CR1: variants seen among roughly 807,000 people sequenced by gnomAD.
CR1 encodes the protein complement receptor type 1.
A neutral mutation model predicts 187.3 loss-of-function variants in CR1; 116 were observed. That is an observed-to-expected ratio of 0.62 (90% CI 0.53 to 0.72). The LOEUF is 0.72. Among genes scored for constraint, CR1 ranks in the 30% least tolerant of loss-of-function variants. CR1 has a pLI of 0.00. For synonymous variants in CR1, 576 were observed against 747.1 expected (o/e 0.77, Z 3.73); for missense variants, 1,731 against 2,110.7 (o/e 0.82, Z 3.52).
chr1:207,630,582 T>C lies in CR1; in HGVS notation c.7418T>C (p.Val2473Ala). The change falls in exon 46 of 47, where the codon GTT becomes GCT. Residue 2473 changes from valine to alanine, a missense_variant. By Grantham distance (64) the Val-to-Ala change is moderately conservative. Around this residue, in one of 5 missense-constraint regions of CR1, gnomAD observed 1,312 missense variants for 1,379.6 expected, o/e 0.95. Coordinates refer to ENST00000367049, the MANE Select transcript of CR1 (RefSeq NM_000651.6). The stretch of plus-strand genomic sequence containing the variant: ...TTACATTCTCAAGGAGGCAGCAGCG[T>C]TCATCCCCGAACTCTGCAAACAAAT... ...IHLHSQGGSS[V>A]HPRTLQTNEE... 6.2e-7 allele frequency: 1 copy of C among 1,611,300 alleles called. No homozygotes were observed. The highest frequency in any genetic ancestry group is 8.5e-7 in the Non-Finnish European group (1 of 1,178,860).
intron 1 of CR1, among the ~76,000 whole-genome samples, chr1:207,497,066 A>G (rs1042377862): frequency 3.3e-5 from 5 of 152,190 alleles, no homozygotes; most frequent in Non-Finnish European, 5.9e-5. Context: ...CACCACGGCC[A>G]TCATCACCAT....
chr1:207,596,053 CTATATA>C (rs1373012475), intron 35 of CR1, among the ~76,000 whole-genome samples: 11 of 132,970 alleles, frequency 8.3e-5, no homozygotes, highest in Admixed American at 7.3e-4. Flanking sequence ...ATATCTATAT[CTATATA>C]TATCTATATC....
intron 46 of CR1, among the ~76,000 whole-genome samples, chr1:207,638,860 G>T (rs1200218266): frequency 2.0e-5 from 3 of 152,162 alleles, no homozygotes; most frequent in Admixed American, 2.0e-4. Context: ...GAGATTTTTT[G>T]TGGGGGCTCC....
chr1:207,631,376 G>A (rs760662358), intron 46 of CR1, among the ~76,000 whole-genome samples: 10 of 152,154 alleles, frequency 6.6e-5, no homozygotes, highest in African/African-American at 1.7e-4. Context: ...ACACCCAATC[G>A]TTTGTCTACT....
Position 207,567,889 on chromosome 1 carries a change from T to G in CR1, c.4018T>G (p.Phe1340Val). 1.2e-6 allele frequency: 2 copies of G among 1,610,994 alleles called. No individual in the cohort carries two copies. The highest frequency in any genetic ancestry group is 1.7e-6 in the Non-Finnish European group (2 of 1,179,644). The stretch of plus-strand genomic sequence containing the variant: ...ACACACAGGAAAACCTCTGGAAGTC[T>G]TTCCCTTTGGAAAAGCAGTAAATTA... ...GRHTGKPLEV[F>V]PFGKAVNYTC... The change falls in exon 25 of 47, where the codon TTT (phenylalanine) becomes GTT (valine). Residue 1340 changes from phenylalanine to valine, a missense_variant. Around this residue, in one of 5 missense-constraint regions of CR1, gnomAD observed 1,312 missense variants for 1,379.6 expected, o/e 0.95. Coordinates refer to ENST00000367049, the MANE Select transcript of CR1 (RefSeq NM_000651.6).
In CR1 at chr1:207,619,886, A is replaced by G; in HGVS notation, c.7073A>G (p.Asn2358Ser). Residue 2358 changes from asparagine to serine, a missense_variant, in exon 43 of 47, where the codon AAT becomes AGT. This residue lies in a region of CR1 where 1,312 missense variants were observed against 1,379.6 expected (regional missense o/e 0.95). Transcript: ENST00000367049. ...SQLDHYCKEV[N>S]CSFPLFMNGI... is the part of the protein sequence containing the mutation. ...CTGATTTGTCTAATTTCAGAAGTAAATTGTAGCTTCCCACTGTTTATGAAT... is the reference window on the plus strand; with the variant it reads ...CTGATTTGTCTAATTTCAGAAGTAAGTTGTAGCTTCCCACTGTTTATGAAT... 6.3e-7 allele frequency: 1 copy of G among 1,579,962 alleles called. No individual in the cohort carries two copies. Among genetic ancestry groups the G allele is most frequent in the Non-Finnish European group, 8.6e-7 (1 of 1,162,790 alleles).
At chr1:207,615,326 G>A (rs559444691) in intron 40 of CR1, among the ~76,000 whole-genome samples, 20 of 152,088 alleles carry the variant, frequency 1.3e-4, no homozygotes, top group Non-Finnish European at 2.5e-4. Context: ...AAATAAATAA[G>A]TAAACAAAAT....
chr1:207,584,724 G>C lies in CR1; in HGVS notation c.5378G>C (p.Gly1793Ala), dbSNP rs759130591. ...TGTPSGDIPY[G>A]KEISYTCDPH... ...ACTCCCTCTGGAGATATTCCCTATG[G>C]AAAAGAAATATCTTACACATGTGAC... Residue 1793 changes from glycine (G) to alanine (A), a missense_variant, in exon 33 of 47, where the codon GGA becomes GCA. By Grantham distance (60) the Gly-to-Ala change is moderately conservative. Transcript: ENST00000367049. 6.2e-7 allele frequency: 1 copy of C among 1,613,718 alleles called. No individual in the cohort carries two copies. The highest frequency in any genetic ancestry group is 1.7e-5 in the Admixed American group (1 of 60,012).
At chr1:207,609,799 A>C in intron 37 of CR1, 111 bp downstream of exon 37, 1 of 1,126,428 alleles carries the variant, frequency 8.9e-7, no homozygotes, top group Non-Finnish European at 1.2e-6. Context: ...CATAAACATA[A>C]TAGTAGCTTC....
intron 39 of CR1, among the ~76,000 whole-genome samples, chr1:207,613,730 G>A (rs1187156448): frequency 3.9e-5 from 6 of 152,028 alleles, no homozygotes; most frequent in Admixed American, 6.5e-5. Flanking sequence ...AAGAATCTTC[G>A]GCATTTACAA....
Position 207,640,695 on chromosome 1 carries a change from G to A in CR1, c.*1286G>A, listed in dbSNP as rs1050203486. On this transcript the variant is annotated 3_prime_UTR_variant, in exon 47 of 47. Coordinates refer to ENST00000367049, the MANE Select transcript of CR1 (RefSeq NM_000651.6). ...GTCCACATCTTTAGAGAACAAAAAT[G>A]TGTTATGATATTATGGGCCATGCTA... is the stretch of plus-strand genomic sequence containing the variant. 3.9e-5 allele frequency: 6 copies of A among 152,182 alleles called. No homozygotes were observed. Among genetic ancestry groups the A allele is most frequent in the African/African-American group, 1.4e-4 (6 of 41,440 alleles). The allele number at this position is 152,182 out of a possible 1,614,324, so 9.4% of individuals were successfully genotyped here.
At chr1:207,623,442 G>C (rs1662376049) in intron 45 of CR1, among the ~76,000 whole-genome samples, 1 of 152,000 alleles carries the variant, frequency 6.6e-6, no homozygotes, top group South Asian at 2.1e-4. Context: ...AATTAGCTGG[G>C]CGAGGTGGGA....
chr1:207,624,410 C>G (rs1189546169), intron 45 of CR1, among the ~76,000 whole-genome samples: 2 of 152,112 alleles, frequency 1.3e-5, no homozygotes, highest in African/African-American at 2.4e-5. Flanking sequence ...GTTCTATACC[C>G]ATAGAAAAAC....
intron 5 of CR1, among the ~76,000 whole-genome samples, chr1:207,526,414 GA>G (rs1229833129): frequency 1.3e-5 from 2 of 149,108 alleles, no homozygotes; most frequent in Non-Finnish European, 3.0e-5. Context: ...ATGAAGATAC[GA>G]AAATCCATCA....
At chr1:207,614,698 T>C (rs573473012) in intron 40 of CR1, among the ~76,000 whole-genome samples, 2 of 152,344 alleles carry the variant, frequency 1.3e-5, no homozygotes, top group South Asian at 4.1e-4. Context: ...CTTAGTTTAA[T>C]GACTGTTTAA....
Position 207,524,005 on chromosome 1 carries a change from C to T in CR1, c.882C>T (p.Ser294=), listed in dbSNP as rs1375922873. 1.2e-6 allele frequency: 2 copies of T among 1,611,652 alleles called. No homozygotes were observed. The highest frequency in any genetic ancestry group is 1.7e-6 in the Non-Finnish European group (2 of 1,179,736). ...GGGAGCCGGAGCTACCAAGCTGCTC[C>T]AGGGGTGAGTCTGACTGAGGCCTAG... ...NKWEPELPSC[S]RVCQPPPDVL... is the part of the protein sequence containing the mutation. The change falls in exon 5 of 47, where the codon TCC becomes TCT. Residue 294 remains serine, a synonymous_variant. Coordinates refer to ENST00000367049, the MANE Select transcript of CR1 (RefSeq NM_000651.6).
rs769335739 is a variant in CR1 at position 207,580,599 on chromosome 1, T to C, written c.5202T>C (p.Phe1734=). ...LNLQLGAKVS[F]VCDEGFRLKG... The stretch of plus-strand genomic sequence containing the variant: ...TCCAGCTTGGGGCAAAGGTGTCCTT[T>C]GTCTGTGATGAAGGGTAAGTGTGAC... The change falls in exon 31 of 47, where the codon TTT becomes TTC. Residue 1734 remains phenylalanine, a synonymous_variant. Coordinates refer to ENST00000367049, the MANE Select transcript of CR1 (RefSeq NM_000651.6). The C allele has an allele frequency of 8.1e-6, 13 of 1,613,590 alleles. No individual in the cohort carries two copies. Among genetic ancestry groups the C allele is most frequent in the Non-Finnish European group, 1.1e-5 (13 of 1,179,678 alleles).
intron 4 of CR1, among the ~76,000 whole-genome samples, chr1:207,515,143 A>G (rs1659753693): frequency 1.6e-5 from 2 of 122,766 alleles, no homozygotes; most frequent in South Asian, 3.4e-4. Flanking sequence ...ATATACGTGT[A>G]TACGTATATA....
intron 35 of CR1, among the ~76,000 whole-genome samples, chr1:207,591,803 A>G (rs979682928): frequency 3.9e-5 from 6 of 152,242 alleles, no homozygotes; most frequent in African/African-American, 1.4e-4. Context: ...ACCATCAGAG[A>G]ATACTATAAA....
Sources: allele counts gnomAD v4.1 joint callset (sites outside exome capture counted in the v4.1 genomes callset), GRCh38; gene constraint gnomAD v4.1.1; regional missense constraint gnomAD v4.1.1; transcripts MANE v1.5; gene names NCBI Gene and HGNC (gene_info 2026-07-23, HGNC 2026-07-21).